SAP130: variants seen among roughly 807,000 people sequenced by gnomAD.
The protein encoded by SAP130 is Sin3A associated protein 130.
Under a neutral mutation model 103.2 loss-of-function variants are expected in SAP130, and 16 were observed. The ratio of observed to expected loss-of-function variants is 0.16; its 90% CI spans 0.10 to 0.24. The LOEUF is 0.24. Among genes scored for constraint, SAP130 ranks in the 10% least tolerant of loss-of-function variants. The pLI is 1.00. For missense variants in SAP130, 990 were observed against 1,359.7 expected (o/e 0.73, Z 4.28); for synonymous variants, 477 against 497.0 (o/e 0.96, Z 0.53).
At chr2:127,949,040 A>G (rs1427915529) in intron 18 of SAP130, among the ~76,000 whole-genome samples, 1 of 152,206 alleles carries the variant, frequency 6.6e-6, no homozygotes, top group Non-Finnish European at 1.5e-5. Context: ...ACTTGTGAGG[A>G]AGAAAAGCTG....
At chr2:127,959,997 C>T (rs1221223614) in intron 15 of SAP130, among the ~76,000 whole-genome samples, 1 of 152,184 alleles carries the variant, frequency 6.6e-6, no homozygotes, top group African/African-American at 2.4e-5. Context: ...CTCAAATGAT[C>T]CTCCCTCCTC....
chr2:127,950,384 G>C lies in SAP130; in HGVS notation c.2447C>G (p.Thr816Ser), dbSNP rs1340301892. Reference sequence around the variant, plus strand: ...CAGCAATGCAAGAGATGGAGACACAGTGTTGGTAGCCAGTGGAGGAACTGC... The same window carrying C: ...CAGCAATGCAAGAGATGGAGACACACTGTTGGTAGCCAGTGGAGGAACTGC... The part of the protein sequence containing the change: ...VSAVPPLATN[T>S]VSPSLALLAN... The change falls in exon 17 of 21, where the codon ACT becomes AGT. Residue 816 changes from threonine to serine, a missense_variant. Coordinates refer to ENST00000643581, the MANE Select transcript of SAP130 (RefSeq NM_001330301.2). 1.9e-6 allele frequency: 3 copies of C among 1,614,246 alleles called. No homozygotes were observed. The highest frequency in any genetic ancestry group is 1.7e-6 in the Non-Finnish European group (2 of 1,180,038).
At chr2:127,993,351 T>C (rs1246691087) in intron 11 of SAP130, 43 bp from the exon 12 acceptor site, 3 of 1,560,030 alleles carry the variant, frequency 1.9e-6, no homozygotes, top group Non-Finnish European at 2.6e-6. Flanking sequence ...AGTCATTTTC[T>C]TCTTTACTTT....
rs560679808 is a variant in SAP130, at chr2:128,000,318, T to C, written c.1006A>G (p.Thr336Ala). Residue 336 changes from threonine (T) to alanine (A), a missense_variant, in exon 8 of 21, where the codon ACA (threonine) becomes GCA (alanine). Coordinates refer to ENST00000643581, the MANE Select transcript of SAP130 (RefSeq NM_001330301.2). Reference protein sequence around the residue: ...ALGTPKQQLHTMAQKTIFSTG... With the variant: ...ALGTPKQQLHAMAQKTIFSTG... ...ACTTTTGGTTTTACCTGAGCCATTG[T>C]ATGAAGCTGCTGTTTTGGCGTCCCT... The C allele has an allele frequency of 1.2e-6, 2 of 1,614,224 alleles. No individual in the cohort carries two copies. The highest frequency in any genetic ancestry group is 4.5e-5 in the East Asian group (2 of 44,890).
chr2:128,017,805 A>G lies in SAP130; in HGVS notation c.223T>C (p.Tyr75His). ...GTCGACAACATCTGCACCTGTGGATAGGGCCTTACCACAACAGGCTCTTGC... is the reference window on the plus strand; with the variant it reads ...GTCGACAACATCTGCACCTGTGGATGGGGCCTTACCACAACAGGCTCTTGC... ...EKQEPVVVRP[Y>H]PQVQMLSTHH... Residue 75 changes from tyrosine (Y) to histidine (H), a missense_variant, in exon 3 of 21, where the codon TAT (tyrosine) becomes CAT (histidine). Around this residue, in one of 6 missense-constraint regions of SAP130, gnomAD observed 167 missense variants for 187.4 expected, o/e 0.89. Transcript: ENST00000643581. The G allele has an allele frequency of 1.2e-6, 2 of 1,614,234 alleles. No homozygotes were observed. Among genetic ancestry groups the G allele is most frequent in the Non-Finnish European group, 1.7e-6 (2 of 1,180,030 alleles).
chr2:128,010,056 T>C (rs1005622908), intron 7 of SAP130, among the ~76,000 whole-genome samples: 1 of 152,112 alleles, frequency 6.6e-6, no homozygotes, highest in Non-Finnish European at 1.5e-5. Context: ...AAGCTACATA[T>C]TTATCGCGTC....
intron 18 of SAP130, among the ~76,000 whole-genome samples, chr2:127,946,485 T>C (rs1679083532): frequency 6.6e-6 from 1 of 152,218 alleles, no homozygotes; most frequent in African/African-American, 2.4e-5. Flanking sequence ...TATTGATTGA[T>C]ACAATCATGT....
At chr2:128,001,143 T>C (rs1573793583) in intron 7 of SAP130, among the ~76,000 whole-genome samples, 2 of 152,080 alleles carry the variant, frequency 1.3e-5, no homozygotes, top group East Asian at 3.9e-4. Flanking sequence ...TGCCTCAGGA[T>C]TGGAAGGGAA....
chr2:128,010,213 A>C (rs201215125), intron 7 of SAP130, 56 bp downstream of exon 7: 48 of 1,552,404 alleles, frequency 3.1e-5, no homozygotes, highest in Non-Finnish European at 3.5e-5. Flanking sequence ...CGAAAGAAAA[A>C]AGAGTGAAGG....
intron 2 of SAP130, among the ~76,000 whole-genome samples, chr2:128,021,409 T>C (rs1427103041): frequency 2.8e-5 from 4 of 144,720 alleles, no homozygotes; most frequent in Non-Finnish European, 6.0e-5. Context: ...ATCGCGCCAC[T>C]GCACTACAGC....
At chr2:127,999,340 G>A (rs928327940) in intron 10 of SAP130, among the ~76,000 whole-genome samples, 5 of 152,116 alleles carry the variant, frequency 3.3e-5, no homozygotes, top group East Asian at 1.9e-4. Flanking sequence ...AGCTGAGTGC[G>A]GTGGCTCATG....
At chr2:127,956,224 T>C (rs1300321458) in intron 15 of SAP130, among the ~76,000 whole-genome samples, 3 of 152,210 alleles carry the variant, frequency 2.0e-5, no homozygotes, top group African/African-American at 4.8e-5. Flanking sequence ...CAGGCGTGCC[T>C]GGAGAGGCCA....
intron 1 of SAP130, chr2:128,027,428 A>C: frequency 1.8e-6 from 2 of 1,112,190 alleles, no homozygotes; most frequent in Non-Finnish European, 2.2e-6. Context: ...CTGCCAGCCA[A>C]TCAGGCGCGA....
chr2:127,982,909 G>T (rs1420306122), intron 14 of SAP130, among the ~76,000 whole-genome samples: 2 of 152,160 alleles, frequency 1.3e-5, no homozygotes, highest in African/African-American at 4.8e-5. Context: ...TCCATTGGGA[G>T]GGAGGTGGGA....
At position 127,999,826 on chromosome 2, in the gene SAP130, T is replaced by C. The variant is rs1321209464; in HGVS notation, c.1128A>G (p.Gln376=). 2.6e-6 allele frequency: 4 copies of C among 1,535,258 alleles called. No homozygotes were observed. The highest frequency in any genetic ancestry group is 2.3e-5 in the East Asian group (1 of 44,236). The change falls in exon 10 of 21, where the codon CAA becomes CAG. Residue 376 remains glutamine (Q), a synonymous_variant. Coordinates refer to ENST00000643581, the MANE Select transcript of SAP130 (RefSeq NM_001330301.2). ...ATTAGSVSHT[Q]APTSTIVTMT... is the part of the protein sequence containing the mutation. ...TGGTAACAATGGTACTTGTGGGAGC[T>C]TGCGTGTGTGACACAGATCCTGAAA...
chr2:127,962,600 C>T (rs1680335530), intron 15 of SAP130, among the ~76,000 whole-genome samples: 2 of 151,778 alleles, frequency 1.3e-5, no homozygotes, highest in Admixed American at 1.3e-4. Flanking sequence ...AAACTGGAAA[C>T]CATCATTCTC....
chr2:127,960,337 G>A (rs1307036375), intron 15 of SAP130, among the ~76,000 whole-genome samples: 2 of 152,098 alleles, frequency 1.3e-5, no homozygotes, highest in Non-Finnish European at 2.9e-5. Flanking sequence ...GCTGGGCACC[G>A]AGTCCAGACA....
chr2:128,027,656 G>A (rs1376927158), intron 1 of SAP130, among the ~76,000 whole-genome samples: 177 of 46,066 alleles, frequency 3.8e-3, no homozygotes, highest in Non-Finnish European at 4.9e-3. Flanking sequence ...CGCTCCCCCG[G>A]CCGCTCTGCT....
intron 12 of SAP130, among the ~76,000 whole-genome samples, chr2:127,992,334 G>A (rs536716751): frequency 6.6e-6 from 1 of 150,604 alleles, no homozygotes; most frequent in African/African-American, 2.4e-5. Flanking sequence ...AGACTGGAGT[G>A]CAGTGGCACA....
Sources: gnomAD v4.1 joint callset for allele counts (sites outside exome capture counted in the v4.1 genomes callset) on GRCh38, gnomAD v4.1.1 for gene constraint, gnomAD v4.1.1 regional missense constraint, MANE v1.5 for transcripts, NCBI Gene and HGNC (gene_info 2026-07-23, HGNC 2026-07-21) for gene names.